Variants in STK32B observed in about 807,000 individuals in gnomAD.
The protein encoded by STK32B is serine/threonine kinase 32B.
Under a neutral mutation model 52.6 loss-of-function variants are expected in STK32B, and 43 were observed. The observed-to-expected ratio is 0.82, with a 90% CI of 0.64 to 1.05. The LOEUF is 1.05. Among genes scored for constraint, STK32B ranks in the 50% least tolerant of loss-of-function variants. The pLI is 0.00. For synonymous variants in STK32B, 238 were observed against 204.3 expected, an observed-to-expected ratio of 1.17 and a Z score of -1.41; for missense variants, 621 against 534.6, an observed-to-expected ratio of 1.16 and a Z score of -1.59.
chr4:5,445,538 C>T (rs1352054196), intron 6 of STK32B, among the ~76,000 whole-genome samples: 2 of 152,106 alleles, frequency 1.3e-5, no homozygotes, highest in Non-Finnish European at 2.9e-5. Context: ...TGAGATAACC[C>T]ACCACTCAGC....
chr4:5,116,866 G>T (rs1231001098), intron 1 of STK32B, among the ~76,000 whole-genome samples: 1 of 151,914 alleles, frequency 6.6e-6, no homozygotes, highest in African/African-American at 2.4e-5. Context: ...CACTTCTTTT[G>T]TTAAATCTAT....
rs138744196 is a variant in STK32B at position 5,318,861 on chromosome 4, G to A, written c.261-12359G>A. 2.3e-3 allele frequency among the ~76,000 whole-genome samples: 342 copies of A among 151,622 alleles called. 4 individuals are homozygous for A. Among genetic ancestry groups the A allele is most frequent in the African/African-American group, 7.4e-3 (305 of 41,284 alleles). The stretch of plus-strand genomic sequence containing the variant: ...GTCGCCCACACTGGAGTGCAGTGGC[G>A]TGATCTCCACTCACTGCAAGCTCTG... On this transcript the variant is annotated intron_variant, in intron 3 of 11. Coordinates refer to ENST00000282908, the MANE Select transcript of STK32B (RefSeq NM_018401.3).
intron 1 of STK32B, among the ~76,000 whole-genome samples, chr4:5,078,827 C>T (rs1249640353): frequency 1.3e-5 from 2 of 152,128 alleles, no homozygotes; most frequent in Admixed American, 1.3e-4. Context: ...TCAAACTCTG[C>T]CTTTGAGAAG....
intron 11 of STK32B, among the ~76,000 whole-genome samples, chr4:5,484,104 C>T (rs1718951367): frequency 6.6e-6 from 1 of 152,128 alleles, no homozygotes; most frequent in African/African-American, 2.4e-5. Flanking sequence ...TCTATTAGGT[C>T]CACTTGGTGC....
intron 8 of STK32B, among the ~76,000 whole-genome samples, chr4:5,459,451 C>T (rs1444703535): frequency 6.6e-6 from 1 of 152,222 alleles, no homozygotes; most frequent in Non-Finnish European, 1.5e-5. Flanking sequence ...TGTTAAATGA[C>T]AGTCCCGGGG....
chr4:5,485,305 C>G (rs1458683117), intron 11 of STK32B, among the ~76,000 whole-genome samples: 1 of 152,102 alleles, frequency 6.6e-6, no homozygotes, highest in African/African-American at 2.4e-5. Flanking sequence ...TCTTTTTTCT[C>G]TGAACTTCTC....
chr4:5,298,810 C>T (rs533893858), intron 3 of STK32B, among the ~76,000 whole-genome samples: 6 of 150,750 alleles, frequency 4.0e-5, no homozygotes, highest in Non-Finnish European at 7.4e-5. Flanking sequence ...TTCTGTCTCA[C>T]TGGGGTTCCA....
intron 2 of STK32B, among the ~76,000 whole-genome samples, chr4:5,153,245 G>A (rs1468735095): frequency 6.6e-6 from 1 of 152,200 alleles, no homozygotes; most frequent in Non-Finnish European, 1.5e-5. Context: ...AAAGGGTACA[G>A]GCTTCCAGAT....
chr4:5,082,698 T>G (rs889883403), intron 1 of STK32B, among the ~76,000 whole-genome samples: 2 of 152,006 alleles, frequency 1.3e-5, no homozygotes, highest in African/African-American at 2.4e-5. Context: ...GATTAAATTT[T>G]TTTCTATCAT....
chr4:5,427,427 C>T (rs1713200671), intron 6 of STK32B, among the ~76,000 whole-genome samples: 1 of 151,984 alleles, frequency 6.6e-6, no homozygotes, highest in African/African-American at 2.4e-5. Flanking sequence ...TGTTTCCTCC[C>T]CTTCTATTTT....
At chr4:5,444,229 A>T (rs1715126422) in intron 6 of STK32B, among the ~76,000 whole-genome samples, 1 of 152,154 alleles carries the variant, frequency 6.6e-6, no homozygotes, top group South Asian at 2.1e-4. Flanking sequence ...TTGATCTCAG[A>T]CTGCTGTGCT....
At chr4:5,289,654 G>C (rs1175609986) in intron 3 of STK32B, among the ~76,000 whole-genome samples, 4 of 149,490 alleles carry the variant, frequency 2.7e-5, no homozygotes, top group African/African-American at 9.8e-5. Flanking sequence ...GAGTAGCTGG[G>C]AGTACAGGCA....
chr4:5,316,848 TATATTATATATATTATATATTATATATAA>T (rs1560311752), intron 3 of STK32B, among the ~76,000 whole-genome samples: 323 of 1,304 alleles, frequency 0.25, 24 homozygotes, highest in Non-Finnish European at 0.29. Context: ...TTATATATAA[TATATTATATATATTATATATTATATATAA>T]TATATTATAT....
At chr4:5,434,578 G>A (rs1006633012) in intron 6 of STK32B, among the ~76,000 whole-genome samples, 4 of 152,082 alleles carry the variant, frequency 2.6e-5, no homozygotes, top group African/African-American at 9.6e-5. Flanking sequence ...TGATCTTGGG[G>A]AATGGAACTG....
chr4:5,388,549 C>T (rs961061778), intron 4 of STK32B, among the ~76,000 whole-genome samples: 5 of 152,194 alleles, frequency 3.3e-5, no homozygotes, highest in African/African-American at 1.2e-4. Context: ...CAGCTCTCCA[C>T]ACCCTTCTAT....
intron 1 of STK32B, among the ~76,000 whole-genome samples, chr4:5,092,074 A>G (rs1039652331): frequency 1.3e-5 from 2 of 152,248 alleles, no homozygotes; most frequent in Non-Finnish European, 2.9e-5. Flanking sequence ...AACAGGTACA[A>G]TGCTTCTTGC....
rs922538948 is a variant in STK32B, at chr4:5,378,687, A to G, written c.435-19520A>G. 6.6e-4 allele frequency among the ~76,000 whole-genome samples: 100 copies of G among 152,184 alleles called. No homozygotes were observed. Among genetic ancestry groups the G allele is most frequent in the African/African-American group, 2.4e-3 (98 of 41,446 alleles). ...TTTTGATACAGACATGCAGTGTGAA[A>G]TAAGCACATCGTGGAGAATGGACTC... On this transcript the variant is annotated intron_variant, in intron 4 of 11. Coordinates refer to ENST00000282908, the MANE Select transcript of STK32B (RefSeq NM_018401.3). The surrounding 1 kb of genome is among the most constrained non-coding windows in gnomAD (Gnocchi z 4.4).
intron 4 of STK32B, among the ~76,000 whole-genome samples, chr4:5,351,552 A>T (rs1733826645): frequency 6.6e-6 from 1 of 152,044 alleles, no homozygotes; most frequent in Non-Finnish European, 1.5e-5. Flanking sequence ...TACCTCAAGG[A>T]ATTAGAAAAA....
intron 11 of STK32B, among the ~76,000 whole-genome samples, chr4:5,493,020 G>A (rs1719879283): frequency 6.6e-6 from 1 of 151,340 alleles, no homozygotes; most frequent in Admixed American, 6.6e-5. Context: ...TGTTCATCAA[G>A]GATATTGGTC....
Sources: allele counts gnomAD v4.1 joint callset (sites outside exome capture counted in the v4.1 genomes callset), GRCh38; gene constraint gnomAD v4.1.1; non-coding constraint Gnocchi (gnomAD v3.1); transcripts MANE v1.5; gene names NCBI Gene and HGNC (gene_info 2026-07-23, HGNC 2026-07-21).